Variants in GNG7 observed in about 807,000 individuals in gnomAD.
GNG7 encodes the protein G protein subunit gamma 7.
In GNG7, 1 loss-of-function variant was observed where a neutral mutation model predicts 4.0. That is an observed-to-expected ratio of 0.25 (90% CI 0.09 to 1.18). GNG7 has a LOEUF of 1.18. Ranked by LOEUF, GNG7 falls within the 50% of genes most tolerant of loss-of-function variation. The probability of loss-of-function intolerance (pLI) is 0.50; values close to 1 mark genes in which losing one functional copy is unlikely to be tolerated. For missense variants in GNG7, 86 were observed against 91.9 expected, an observed-to-expected ratio of 0.94 and a Z score of 0.26; for synonymous variants, 34 against 36.9, an observed-to-expected ratio of 0.92 and a Z score of 0.29.
At chr19:2,686,646 C>T (rs1331976688) in intron 1 of GNG7, among the ~76,000 whole-genome samples, 3 of 152,150 alleles carry the variant, frequency 2.0e-5, no homozygotes, top group African/African-American at 7.2e-5. Context: ...TCAGTGTTTG[C>T]CGCCAAGATG....
chr19:2,690,599 T>C (rs928116698), intron 1 of GNG7, among the ~76,000 whole-genome samples: 8 of 152,034 alleles, frequency 5.3e-5, no homozygotes, highest in Non-Finnish European at 1.0e-4. Context: ...CAGGTCTTTT[T>C]TTTTTTCTTC....
At chr19:2,592,174 T>C (rs1304589025) in intron 2 of GNG7, among the ~76,000 whole-genome samples, 1 of 152,206 alleles carries the variant, frequency 6.6e-6, no homozygotes, top group Non-Finnish European at 1.5e-5. Flanking sequence ...AGAAAAACTG[T>C]AAAGATCAGT....
intron 4 of GNG7, among the ~76,000 whole-genome samples, chr19:2,517,799 G>A (rs994341307): frequency 1.3e-5 from 2 of 152,126 alleles, no homozygotes; most frequent in Admixed American, 6.6e-5. Context: ...GGCATGAGCC[G>A]CCTCGCCTGG....
chr19:2,662,960 T>C (rs1438517196), intron 1 of GNG7, among the ~76,000 whole-genome samples: 1 of 152,128 alleles, frequency 6.6e-6, no homozygotes, highest in Admixed American at 6.6e-5. Context: ...TCCAAGGATT[T>C]TAGGAGTTCT....
intron 3 of GNG7, among the ~76,000 whole-genome samples, chr19:2,522,743 C>T (rs1599371302): frequency 1.5e-5 from 1 of 65,098 alleles, no homozygotes; most frequent in South Asian, 7.6e-4. Context: ...CAGAGTGAGA[C>T]TCTGTCTCAA....
At chr19:2,519,506 G>T (rs1222979446) in intron 4 of GNG7, among the ~76,000 whole-genome samples, 1 of 151,522 alleles carries the variant, frequency 6.6e-6, no homozygotes, top group Non-Finnish European at 1.5e-5. Flanking sequence ...GCCCAGGCTG[G>T]AATTGAACGC....
chr19:2,591,453 GTTTTTTTTT>G lies in GNG7; in HGVS notation c.-77-36274_-77-36266del, dbSNP rs59564767. Among the ~76,000 whole-genome samples, 3 of 123,784 alleles carry G rather than the reference GTTTTTTTTT, an allele frequency of 2.4e-5. No individual in the cohort carries two copies. The South Asian group carries it at 8.4e-4, about 35-fold the overall frequency. The allele number at this position is 123,784 out of a possible 152,430, so 81.2% of individuals were successfully genotyped here. ...TGTTTTCGTAATTTGAAAATAAAGG[GTTTTTTTTT>G]TTTTTTTTTTTTTAAGGGAGAGATT... On this transcript the variant is annotated intron_variant, in intron 2 of 4. Transcript: ENST00000382159.
intron 2 of GNG7, among the ~76,000 whole-genome samples, chr19:2,637,454 G>T (rs1982346986): frequency 6.6e-6 from 1 of 152,172 alleles, no homozygotes; most frequent in Admixed American, 6.6e-5. Context: ...TTGTAGGGAG[G>T]TGAGTTTCCA....
chr19:2,577,867 A>G (rs1332127330), intron 2 of GNG7, among the ~76,000 whole-genome samples: 2 of 148,692 alleles, frequency 1.3e-5, no homozygotes, highest in African/African-American at 5.0e-5. Flanking sequence ...TTTGAGATGA[A>G]GTCTTGCTGT....
At chr19:2,694,532 A>C (rs1279135395) in intron 1 of GNG7, among the ~76,000 whole-genome samples, 1 of 151,738 alleles carries the variant, frequency 6.6e-6, no homozygotes, top group African/African-American at 2.4e-5. Flanking sequence ...GGGAGCCCCT[A>C]CATTATTTGG....
chr19:2,692,362 G>A (rs1350710529), intron 1 of GNG7, among the ~76,000 whole-genome samples: 6 of 151,876 alleles, frequency 4.0e-5, no homozygotes, highest in Admixed American at 1.3e-4. Context: ...GAGGCCGGGC[G>A]CGGTGGCTCA....
intron 1 of GNG7, among the ~76,000 whole-genome samples, chr19:2,676,739 CTAGT>C (rs1208245952): frequency 2.6e-5 from 4 of 152,220 alleles, no homozygotes; most frequent in Admixed American, 2.0e-4. Context: ...TCAGGAACAG[CTAGT>C]TAGTTATTCT....
chr19:2,655,514 C>T (rs1391892775), intron 1 of GNG7, among the ~76,000 whole-genome samples: 1 of 151,358 alleles, frequency 6.6e-6, no homozygotes, highest in African/African-American at 2.4e-5. Context: ...ACCAGCCTGG[C>T]CAACATGGTG....
rs529911261 is a variant in GNG7 at position 2,602,156 on chromosome 19, G to A, written c.-78+44068C>T. 7.9e-5 allele frequency among the ~76,000 whole-genome samples: 12 copies of A among 152,138 alleles called. No homozygotes were observed. The South Asian group carries it at 1.0e-3, about 13-fold the overall frequency. On this transcript the variant is annotated intron_variant, in intron 2 of 4. Coordinates refer to ENST00000382159, the MANE Select transcript of GNG7 (RefSeq NM_052847.3). ...GTTCGAGACCAGCCTGGCCAACATG[G>A]TGAAACCCCGTCTCTACTAAAAATG...
chr19:2,535,624 G>A (rs924967203), intron 3 of GNG7, among the ~76,000 whole-genome samples: 2 of 152,158 alleles, frequency 1.3e-5, no homozygotes, highest in African/African-American at 4.8e-5. Context: ...CTTAACCCTG[G>A]AAGATCTCTT....
At chr19:2,555,529 A>G (rs1300115633) in intron 2 of GNG7, among the ~76,000 whole-genome samples, 1 of 152,196 alleles carries the variant, frequency 6.6e-6, no homozygotes, top group African/African-American at 2.4e-5. Flanking sequence ...AGAAAAACAA[A>G]ATACCCAGGC....
chr19:2,685,876 C>T (rs1381675635), intron 1 of GNG7, among the ~76,000 whole-genome samples: 3 of 152,142 alleles, frequency 2.0e-5, no homozygotes, highest in Non-Finnish European at 4.4e-5. Flanking sequence ...AAGAAAAGGG[C>T]CTTGGCAAAA....
At chr19:2,548,387 A>G (rs999284017) in intron 3 of GNG7, among the ~76,000 whole-genome samples, 1 of 148,812 alleles carries the variant, frequency 6.7e-6, no homozygotes, top group Non-Finnish European at 1.5e-5. Flanking sequence ...AGGCTAAGGC[A>G]GGAGAATGCC....
Position 2,557,733 on chromosome 19 carries a change from T to G in GNG7, c.-77-2545A>C, listed in dbSNP as rs1979610976. On this transcript the variant is annotated intron_variant, in intron 2 of 4. Coordinates refer to ENST00000382159, the MANE Select transcript of GNG7 (RefSeq NM_052847.3). The surrounding 1 kb of genome is among the most constrained non-coding windows in gnomAD (Gnocchi z 5.1). ...GGGCCACCTCACCTGCAGCCCCGGGTCAGCCTCAGAACCCACAGGACTTTG... is the reference window on the plus strand; with the variant it reads ...GGGCCACCTCACCTGCAGCCCCGGGGCAGCCTCAGAACCCACAGGACTTTG... Among the ~76,000 whole-genome samples the G allele has an allele frequency of 1.3e-5, 2 of 152,064 alleles. No individual in the cohort carries two copies. The highest frequency in any genetic ancestry group is 4.8e-5 in the African/African-American group (2 of 41,414).
Sources: gnomAD v4.1 joint callset for allele counts (sites outside exome capture counted in the v4.1 genomes callset) on GRCh38, gnomAD v4.1.1 for gene constraint, Gnocchi (gnomAD v3.1) non-coding constraint, MANE v1.5 for transcripts, NCBI Gene and HGNC (gene_info 2026-07-23, HGNC 2026-07-21) for gene names.